The following HDGFL3 variants were observed in gnomAD, a reference collection of about 807,000 sequenced individuals.
HDGFL3 encodes hepatoma-derived growth factor-related protein 3.
Under a neutral mutation model 27.6 loss-of-function variants are expected in HDGFL3, and 6 were observed. The observed-to-expected ratio is 0.22, with a 90% CI of 0.12 to 0.43. HDGFL3 has a LOEUF of 0.43. HDGFL3 is among the 20% of genes least tolerant of loss of function. The probability of loss-of-function intolerance (pLI) is 1.00; values close to 1 mark genes in which losing one functional copy is unlikely to be tolerated. For missense variants in HDGFL3, 207 were observed against 250.1 expected (o/e 0.83, Z 1.16); for synonymous variants, 88 against 88.9 (o/e 0.99, Z 0.05).
intron 3 of HDGFL3, among the ~76,000 whole-genome samples, chr15:83,120,264 A>G (rs1040959005): frequency 1.3e-5 from 2 of 152,226 alleles, no homozygotes; most frequent in East Asian, 3.9e-4. Context: ...GGAGGCACAC[A>G]TGTGAGTTCT....
chr15:83,172,838 A>G (rs1204125157), intron 1 of HDGFL3, among the ~76,000 whole-genome samples: 2 of 151,476 alleles, frequency 1.3e-5, no homozygotes, highest in Non-Finnish European at 2.9e-5. Context: ...AAAAAAAAAA[A>G]GGAAAAGAAA....
Position 83,207,211 on chromosome 15 carries a change from C to T in HDGFL3, c.84+120G>A. The T allele has an allele frequency of 1.5e-6, 1 of 646,622 alleles. No homozygotes were observed. The highest frequency in any genetic ancestry group is 2.2e-6 in the Non-Finnish European group (1 of 447,186). 40.1% of individuals were successfully genotyped at this position (646,622 alleles called of 1,614,324 possible). On this transcript the variant is annotated intron_variant, in intron 1 of 5. Transcript: ENST00000299633. The surrounding 1 kb of genome is among the most constrained non-coding windows in gnomAD (Gnocchi z 4.8). ...TTCGTGCCGCGCCGCCCTCAGCCCT[C>T]ACCACAGCCGGCCGCGAGCTGCGGG...
At chr15:83,126,722 G>C, downstream of HDGFL3, 1 of 1,550,926 alleles carries the variant, frequency 6.4e-7, no homozygotes, top group East Asian at 2.3e-5. Flanking sequence ...AGATGTGATT[G>C]TATTTTTATA....
intron 1 of HDGFL3, among the ~76,000 whole-genome samples, chr15:83,179,009 A>C (rs761471757): frequency 4.6e-5 from 7 of 152,032 alleles, no homozygotes; most frequent in Admixed American, 2.0e-4. Flanking sequence ...CCTAGCCAAA[A>C]ACCCTCCTTA....
intron 2 of HDGFL3, among the ~76,000 whole-genome samples, chr15:83,160,185 T>C (rs1464603923): frequency 6.6e-6 from 1 of 151,810 alleles, no homozygotes; most frequent in Non-Finnish European, 1.5e-5. Context: ...TGAGGATATC[T>C]CTAAGGTTTT....
At position 83,138,016 on chromosome 15, in the gene HDGFL3, GAAAGAA is replaced by G. The variant is rs1397375107; in HGVS notation, c.*1248_*1253del. The G allele has an allele frequency of 6.7e-6, 1 of 148,522 alleles. No individual in the cohort carries two copies. Among genetic ancestry groups the G allele is most frequent in the Non-Finnish European group, 1.5e-5 (1 of 66,910 alleles). The allele number at this position is 148,522 out of a possible 1,614,324, so 9.2% of individuals were successfully genotyped here. A position where few individuals can be genotyped will look rare whatever the true frequency, so the allele number is the denominator to read the frequency against. ...CAGAGAGTGTTTAAAAAAAAAAAAA[GAAAGAA>G]AAAGAAAAACCCTCACCTGCACTTG... is the stretch of plus-strand genomic sequence containing the variant. On this transcript the variant is annotated 3_prime_UTR_variant, in exon 6 of 6. Transcript: ENST00000299633.
intron 5 of HDGFL3, among the ~76,000 whole-genome samples, chr15:83,149,372 G>A (rs1028519612): frequency 1.3e-5 from 2 of 152,188 alleles, no homozygotes; most frequent in South Asian, 2.1e-4. Context: ...GAATGAAAAC[G>A]TAATCAGTAA....
rs914899006 is a variant in HDGFL3, at chr15:83,207,117, G to A, written c.84+214C>T. Among the ~76,000 whole-genome samples, 2 of 152,196 alleles carry A rather than the reference G, an allele frequency of 1.3e-5. No homozygotes were observed. The highest frequency in any genetic ancestry group is 1.3e-4 in the Admixed American group (2 of 15,288). On this transcript the variant is annotated intron_variant, in intron 1 of 5. Transcript: ENST00000299633. This position sits in a 1 kb window ranked among gnomAD's most constrained non-coding sequence, Gnocchi z 4.8. ...CCGGACCCGCCTTCGAAAGTGGGCG[G>A]AAGGATGGCCGCCCTGGCGGAGTGC...
intron 1 of HDGFL3, among the ~76,000 whole-genome samples, chr15:83,177,179 G>T (rs554383435): frequency 2.0e-5 from 3 of 152,150 alleles, no homozygotes; most frequent in African/African-American, 4.8e-5. Context: ...TCGGCCTCCC[G>T]AAGTGCTGGG....
rs534791340 is a variant in HDGFL3, at chr15:83,207,172, C to T, written c.84+159G>A. On this transcript the variant is annotated intron_variant, in intron 1 of 5. Coordinates refer to ENST00000299633, the MANE Select transcript of HDGFL3 (RefSeq NM_016073.4). The surrounding 1 kb of genome is among the most constrained non-coding windows in gnomAD (Gnocchi z 4.8). ...GAGGCCGGGAGCCCTTGCCTCAGCC[C>T]CGGCCCGGTCTTCTTCGTGCCGCGC... Among the ~76,000 whole-genome samples, 1 of 152,278 alleles carries T rather than the reference C, an allele frequency of 6.6e-6. No homozygotes were observed. Among genetic ancestry groups the T allele is most frequent in the East Asian group, 1.9e-4 (1 of 5,140 alleles).
intron 1 of HDGFL3, among the ~76,000 whole-genome samples, chr15:83,200,919 C>T (rs1182263751): frequency 6.7e-6 from 1 of 148,834 alleles, no homozygotes; most frequent in Non-Finnish European, 1.5e-5. Flanking sequence ...GGTTATTTAC[C>T]AGACTAAATG....
intron 1 of HDGFL3, among the ~76,000 whole-genome samples, chr15:83,173,582 C>T (rs576726857): frequency 1.3e-5 from 2 of 152,206 alleles, no homozygotes; most frequent in South Asian, 4.1e-4. Flanking sequence ...TCTAATCTAG[C>T]GATTTTTTAT....
chr15:83,178,331 G>A (rs986794812), intron 1 of HDGFL3, among the ~76,000 whole-genome samples: 11 of 152,180 alleles, frequency 7.2e-5, no homozygotes, highest in Non-Finnish European at 1.0e-4. Context: ...AAAAGATATA[G>A]TAAGAGTTAC....
downstream of HDGFL3, chr15:83,123,030 G>A (rs772693840): frequency 6.9e-5 from 59 of 852,672 alleles, no homozygotes; most frequent in African/African-American, 4.9e-4. Context: ...ATTAGCTTAC[G>A]TATTAATTAA....
intron 5 of HDGFL3, among the ~76,000 whole-genome samples, chr15:83,141,078 A>G (rs1262712723): frequency 1.3e-5 from 2 of 152,272 alleles, no homozygotes; most frequent in East Asian, 3.9e-4. Context: ...AAATTCTCAT[A>G]CCATAATCAC....
chr15:83,125,233 C>T (rs1449444687), downstream of HDGFL3, among the ~76,000 whole-genome samples: 3 of 152,178 alleles, frequency 2.0e-5, no homozygotes, highest in African/African-American at 7.2e-5. Context: ...GGGAATGTCT[C>T]ACTGGTAAGA....
intron 3 of HDGFL3, chr15:83,115,990 C>T (rs1418614107): frequency 3.0e-5 from 42 of 1,383,368 alleles, no homozygotes; most frequent in Non-Finnish European, 4.2e-5. Flanking sequence ...AAGGCCACAA[C>T]CCAGATCACA....
chr15:83,188,735 C>G (rs766821330), intron 1 of HDGFL3, among the ~76,000 whole-genome samples: 4 of 152,090 alleles, frequency 2.6e-5, no homozygotes, highest in Admixed American at 2.6e-4. Context: ...CTCTACCTAC[C>G]TACACTTACT....
intron 4 of HDGFL3, among the ~76,000 whole-genome samples, chr15:83,154,311 G>T (rs2151400646): frequency 6.6e-6 from 1 of 151,652 alleles, no homozygotes; most frequent in Non-Finnish European, 1.5e-5. Flanking sequence ...ACACCAGCCT[G>T]GGTGACAGAG....
Sources: allele counts gnomAD v4.1 joint callset (sites outside exome capture counted in the v4.1 genomes callset), GRCh38; gene constraint gnomAD v4.1.1; non-coding constraint Gnocchi (gnomAD v3.1); transcripts MANE v1.5; gene names NCBI Gene and HGNC (gene_info 2026-07-23, HGNC 2026-07-21).